Variants in ALKAL1 observed in about 807,000 individuals in gnomAD.
The protein encoded by ALKAL1 is ALK and LTK ligand 1.
In ALKAL1, 23 loss-of-function variants were observed where a neutral mutation model predicts 13.5. The ratio of observed to expected loss-of-function variants is 1.70; its 90% CI spans 1.23 to 2.41. The LOEUF (loss-of-function observed/expected upper bound fraction) is 2.41, where lower values mean the gene tolerates loss of function less well. Ranked by LOEUF, ALKAL1 falls within the 30% of genes most tolerant of loss-of-function variation. The pLI, the probability that ALKAL1 is intolerant of heterozygous loss-of-function variation, is 0.00. For missense variants in ALKAL1, 181 were observed against 178.4 expected (o/e 1.01, Z -0.08); for synonymous variants, 85 against 77.7 (o/e 1.09, Z -0.49).
chr8:52,535,914 GTAA>G (rs754507688), intron 4 of ALKAL1, among the ~76,000 whole-genome samples: 5 of 151,892 alleles, frequency 3.3e-5, no homozygotes, highest in Non-Finnish European at 5.9e-5. Context: ...ATATTCATGA[GTAA>G]TCTTAGACTA....
At chr8:52,538,162 TGAGGA>T (rs1226983508) in intron 4 of ALKAL1, among the ~76,000 whole-genome samples, 1 of 151,082 alleles carries the variant, frequency 6.6e-6, no homozygotes, top group Admixed American at 6.6e-5. Context: ...CAGCGAGACA[TGAGGA>T]ACGGGTTCTG....
intron 1 of ALKAL1, among the ~76,000 whole-genome samples, chr8:52,561,794 C>T (rs4873662): frequency 0.19 from 29,195 of 152,144 alleles, 3,735 homozygotes; most frequent in East Asian, 0.62. Flanking sequence ...ATTAAAACAG[C>T]AACAGCAAGC....
chr8:52,564,807 T>C (rs1221712895), intron 1 of ALKAL1, among the ~76,000 whole-genome samples: 2 of 152,126 alleles, frequency 1.3e-5, no homozygotes, highest in African/African-American at 4.8e-5. Flanking sequence ...CCAGTTTATT[T>C]CCAAAAAGTC....
At chr8:52,543,258 T>C (rs1768565459) in intron 1 of ALKAL1, among the ~76,000 whole-genome samples, 1 of 152,246 alleles carries the variant, frequency 6.6e-6, no homozygotes, top group Non-Finnish European at 1.5e-5. Context: ...TAGGTATACA[T>C]TTAAACTTAC....
intron 1 of ALKAL1, among the ~76,000 whole-genome samples, chr8:52,552,459 C>T (rs1847439259): frequency 1.3e-5 from 2 of 152,190 alleles, no homozygotes; most frequent in South Asian, 4.1e-4. Context: ...CTATGCTCAG[C>T]CCACACTTGA....
intron 1 of ALKAL1, 61 bp downstream of exon 1, chr8:52,565,006 A>G: frequency 7.9e-7 from 1 of 1,271,484 alleles, no homozygotes; most frequent in Non-Finnish European, 1.0e-6. Context: ...CCCAGCTCCT[A>G]GGGGAATCCA....
chr8:52,551,467 T>TC (rs1342606345), intron 1 of ALKAL1, among the ~76,000 whole-genome samples: 2 of 150,900 alleles, frequency 1.3e-5, no homozygotes, highest in Non-Finnish European at 3.0e-5. Flanking sequence ...TAATTCATTT[T>TC]TTTTTTTTTT....
At chr8:52,562,317 C>T (rs1307029141) in intron 1 of ALKAL1, among the ~76,000 whole-genome samples, 1 of 152,118 alleles carries the variant, frequency 6.6e-6, no homozygotes. Context: ...GACCCAGATT[C>T]GAGAGACATC....
chr8:52,538,567 C>A, intron 3 of ALKAL1, 60 bp from the exon 4 acceptor site: 1 of 1,112,626 alleles, frequency 9.0e-7, no homozygotes, highest in South Asian at 1.4e-5. Context: ...TGGGGAAATC[C>A]TGTTATTATT....
chr8:52,559,370 A>C (rs1847515838), intron 1 of ALKAL1, among the ~76,000 whole-genome samples: 1 of 152,208 alleles, frequency 6.6e-6, no homozygotes. Flanking sequence ...GAGGGAGGGC[A>C]GACAGTGAGC....
chr8:52,546,140 G>A (rs1012026510), intron 1 of ALKAL1, among the ~76,000 whole-genome samples: 1 of 152,234 alleles, frequency 6.6e-6, no homozygotes, highest in Non-Finnish European at 1.5e-5. Context: ...GTAGATGACA[G>A]AAACGTCCTT....
intron 1 of ALKAL1, among the ~76,000 whole-genome samples, chr8:52,553,830 G>A (rs1847453308): frequency 6.6e-6 from 1 of 152,154 alleles, no homozygotes; most frequent in Admixed American, 6.5e-5. Flanking sequence ...TCATGAAAAT[G>A]ATTTATTCAG....
At chr8:52,556,578 C>T (rs934896074) in intron 1 of ALKAL1, among the ~76,000 whole-genome samples, 5 of 124,224 alleles carry the variant, frequency 4.0e-5, no homozygotes, top group Admixed American at 2.1e-4. Context: ...ACCCGGGAGG[C>T]GGAGCTTGCA....
At chr8:52,559,154 C>G (rs1388116904) in intron 1 of ALKAL1, among the ~76,000 whole-genome samples, 2 of 152,186 alleles carry the variant, frequency 1.3e-5, no homozygotes, top group Admixed American at 1.3e-4. Flanking sequence ...TTAGCCTCCA[C>G]CTCCAACACT....
chr8:52,535,302 C>A (rs548264782), intron 4 of ALKAL1, among the ~76,000 whole-genome samples: 4 of 151,618 alleles, frequency 2.6e-5, no homozygotes, highest in Admixed American at 1.3e-4. Flanking sequence ...AATTCCAACA[C>A]TTTGTGCAGC....
At chr8:52,554,859 C>A (rs2150346994) in intron 1 of ALKAL1, among the ~76,000 whole-genome samples, 1 of 152,264 alleles carries the variant, frequency 6.6e-6, no homozygotes, top group Middle Eastern at 3.4e-3. Flanking sequence ...AGCAAAGTAT[C>A]CAGCAGGCCA....
intron 1 of ALKAL1, among the ~76,000 whole-genome samples, chr8:52,543,469 G>C (rs1170784780): frequency 6.6e-6 from 1 of 152,204 alleles, no homozygotes; most frequent in Non-Finnish European, 1.5e-5. Context: ...TGTGCAGGGA[G>C]CTCCCCAGTT....
At chr8:52,535,823 C>T (rs1278440396) in intron 4 of ALKAL1, among the ~76,000 whole-genome samples, 2 of 152,196 alleles carry the variant, frequency 1.3e-5, no homozygotes, top group East Asian at 1.9e-4. Context: ...ATTGTCACAA[C>T]AAAACTGTGA....
intron 1 of ALKAL1, among the ~76,000 whole-genome samples, chr8:52,561,503 G>A (rs1563324165): frequency 6.6e-6 from 1 of 152,178 alleles, no homozygotes; most frequent in Non-Finnish European, 1.5e-5. Context: ...TCTGTAAGGA[G>A]GGGGTACCAA....
Sources: allele counts gnomAD v4.1 joint callset (sites outside exome capture counted in the v4.1 genomes callset), GRCh38; gene constraint gnomAD v4.1.1; transcripts MANE v1.5; gene names NCBI Gene and HGNC (gene_info 2026-07-23, HGNC 2026-07-21).